Variants in CUX2 observed in about 807,000 individuals in gnomAD.
The protein encoded by CUX2 is homeobox protein cut-like 2.
CUX2 carries 40 observed loss-of-function variants against 144.8 expected under a neutral mutation model. That is an observed-to-expected ratio of 0.28 (90% confidence interval 0.21 to 0.36). CUX2 has a LOEUF of 0.36. Among genes scored for constraint, CUX2 ranks in the 10% least tolerant of loss-of-function variants. The pLI, the probability that CUX2 is intolerant of heterozygous loss-of-function variation, is 1.00. For missense variants in CUX2, 1,615 were observed against 1,994.0 expected, an observed-to-expected ratio of 0.81 and a Z score of 3.62; for synonymous variants, 827 against 875.6, an observed-to-expected ratio of 0.94 and a Z score of 0.98.
intron 1 of CUX2, among the ~76,000 whole-genome samples, chr12:111,038,740 C>G (rs903425724): frequency 1.1e-4 from 16 of 152,320 alleles, no homozygotes; most frequent in African/African-American, 3.6e-4. Flanking sequence ...AAAAAACAAG[C>G]AACATCTCAT....
In CUX2 at chr12:111,295,781, T is replaced by A. The variant is rs77316483; in HGVS notation, c.637+372T>A. On this transcript the variant is annotated intron_variant, in intron 7 of 21. Coordinates refer to ENST00000261726, the MANE Select transcript of CUX2 (RefSeq NM_015267.4). The surrounding 1 kb of genome is among the most constrained non-coding windows in gnomAD (Gnocchi z 5.0). The stretch of plus-strand genomic sequence containing the variant: ...TAATTAATTAATTAATTAATTAATT[T>A]AATACAACCCCTGCAGGGGCCAAAA... 1.1e-4 allele frequency among the ~76,000 whole-genome samples: 15 copies of A among 132,876 alleles called. No individual in the cohort carries two copies. Among genetic ancestry groups the A allele is most frequent in the South Asian group, 5.0e-4 (2 of 3,984 alleles). 87.2% of individuals were successfully genotyped at this position (132,876 alleles called of 152,430 possible). A position where few individuals can be genotyped will look rare whatever the true frequency, so the allele number is the denominator to read the frequency against.
chr12:111,185,513 C>T (rs1036372935), intron 1 of CUX2, among the ~76,000 whole-genome samples: 3 of 152,242 alleles, frequency 2.0e-5, no homozygotes, highest in Non-Finnish European at 4.4e-5. Context: ...GCTTCACCCA[C>T]AGTTCCTAGC....
At chr12:111,188,009 G>A (rs1279179321) in intron 1 of CUX2, among the ~76,000 whole-genome samples, 2 of 152,242 alleles carry the variant, frequency 1.3e-5, no homozygotes, top group East Asian at 1.9e-4. Context: ...CGTCCCTCAA[G>A]GACATATTTC....
At chr12:111,051,453 T>C (rs1171818671) in intron 1 of CUX2, among the ~76,000 whole-genome samples, 1 of 152,172 alleles carries the variant, frequency 6.6e-6, no homozygotes, top group Non-Finnish European at 1.5e-5. Context: ...TCCTGACAGA[T>C]TGGCCCTTTT....
intron 1 of CUX2, among the ~76,000 whole-genome samples, chr12:111,168,552 G>A (rs1229679025): frequency 6.6e-6 from 1 of 152,194 alleles, no homozygotes; most frequent in Non-Finnish European, 1.5e-5. Flanking sequence ...GCATGCTGGG[G>A]ACTGATTGTT....
chr12:111,332,315 G>C (rs1888155827), intron 18 of CUX2, among the ~76,000 whole-genome samples: 1 of 141,456 alleles, frequency 7.1e-6, no homozygotes, highest in Admixed American at 7.0e-5. Context: ...GTATTTTTTA[G>C]TAGAGACGGG....
At chr12:111,066,542 C>T (rs1270016087) in intron 1 of CUX2, among the ~76,000 whole-genome samples, 1 of 152,164 alleles carries the variant, frequency 6.6e-6, no homozygotes, top group African/African-American at 2.4e-5. Context: ...CTTACCTCTG[C>T]CTGGAGCTGG....
At chr12:111,185,525 G>A (rs1441977495) in intron 1 of CUX2, among the ~76,000 whole-genome samples, 1 of 152,220 alleles carries the variant, frequency 6.6e-6, no homozygotes, top group East Asian at 1.9e-4. Flanking sequence ...GTTCCTAGCT[G>A]TTCTTATCGC....
intron 1 of CUX2, among the ~76,000 whole-genome samples, chr12:111,199,354 C>T (rs1057208041): frequency 6.6e-6 from 1 of 152,152 alleles, no homozygotes; most frequent in Non-Finnish European, 1.5e-5. Context: ...CTACTCTGGG[C>T]AGCTCAGTGT....
chr12:111,295,416 G>A lies in CUX2; in HGVS notation c.637+7G>A. 1.2e-6 allele frequency: 2 copies of A among 1,610,730 alleles called. No homozygotes were observed. Among genetic ancestry groups the A allele is most frequent in the Non-Finnish European group, 1.7e-6 (2 of 1,178,620 alleles). ...ATCAAAGTCCTACATTCAGGTATGT[G>A]TCGGCACCATGTGGCCTAGAGGGAG... On this transcript the variant is annotated splice_region_variant and intron_variant, in intron 7 of 21. Transcript: ENST00000261726. The surrounding 1 kb of genome is among the most constrained non-coding windows in gnomAD (Gnocchi z 5.0).
chr12:111,232,366 T>A (rs1214497618), intron 3 of CUX2, among the ~76,000 whole-genome samples: 3 of 151,990 alleles, frequency 2.0e-5, no homozygotes, highest in Non-Finnish European at 4.4e-5. Flanking sequence ...TAGCTGGGCG[T>A]GGTGGTGCAC....
intron 21 of CUX2, among the ~76,000 whole-genome samples, chr12:111,345,808 A>T (rs1329700206): frequency 1.3e-5 from 2 of 151,134 alleles, no homozygotes; most frequent in Admixed American, 6.6e-5. Context: ...GCACCAACCT[A>T]ACAGAAAATG....
At chr12:111,117,850 G>T (rs1874396868) in intron 1 of CUX2, among the ~76,000 whole-genome samples, 1 of 152,204 alleles carries the variant, frequency 6.6e-6, no homozygotes, top group African/African-American at 2.4e-5. Context: ...CCAGGTATTT[G>T]AATGCAGGCC....
At chr12:111,134,607 T>A (rs1013510850) in intron 1 of CUX2, among the ~76,000 whole-genome samples, 7 of 147,692 alleles carry the variant, frequency 4.7e-5, no homozygotes, top group African/African-American at 1.6e-4. Flanking sequence ...TCTCTCTCTC[T>A]CTCTCTCTCT....
At chr12:111,049,538 C>T (rs1268563975) in intron 1 of CUX2, among the ~76,000 whole-genome samples, 1 of 152,226 alleles carries the variant, frequency 6.6e-6, no homozygotes, top group Non-Finnish European at 1.5e-5. Flanking sequence ...CTGTGGGGAA[C>T]AAGAGGGGAG....
At chr12:111,086,502 T>C (rs1412733256) in intron 1 of CUX2, among the ~76,000 whole-genome samples, 6 of 152,226 alleles carry the variant, frequency 3.9e-5, no homozygotes, top group African/African-American at 1.4e-4. Flanking sequence ...ACAATTGCTA[T>C]CCAGGGCCTT....
chr12:111,091,233 G>A (rs1383471925), intron 1 of CUX2, among the ~76,000 whole-genome samples: 1 of 152,234 alleles, frequency 6.6e-6, no homozygotes, highest in Non-Finnish European at 1.5e-5. Flanking sequence ...CTGGATAAAA[G>A]ACAGTCTTGG....
At chr12:111,184,995 C>T (rs893893964) in intron 1 of CUX2, among the ~76,000 whole-genome samples, 13 of 151,222 alleles carry the variant, frequency 8.6e-5, no homozygotes, top group South Asian at 2.1e-4. Context: ...ACCCAGGAGG[C>T]GGAGCTTGCA....
At position 111,223,900 on chromosome 12, in the gene CUX2, C is replaced by T. The variant is rs115026073; in HGVS notation, c.222+5963C>T. Among the ~76,000 whole-genome samples the T allele has an allele frequency of 4.3e-3, 657 of 152,206 alleles. 3 individuals carry two copies. The highest frequency in any genetic ancestry group is 0.015 in the African/African-American group (604 of 41,520). ...GTCAGGTCCTGGGGGAGTAGGGAACCCTCCCTGACCACCCTGACCCTCCAT... is the reference window on the plus strand; with the variant it reads ...GTCAGGTCCTGGGGGAGTAGGGAACTCTCCCTGACCACCCTGACCCTCCAT... On this transcript the variant is annotated intron_variant, in intron 3 of 21. Transcript: ENST00000261726.
Sources: allele counts gnomAD v4.1 joint callset (sites outside exome capture counted in the v4.1 genomes callset), GRCh38; gene constraint gnomAD v4.1.1; non-coding constraint Gnocchi (gnomAD v3.1); transcripts MANE v1.5; gene names NCBI Gene and HGNC (gene_info 2026-07-23, HGNC 2026-07-21).